Variants in ARSB observed in about 807,000 individuals in gnomAD.
ARSB encodes N-acetylgalactosamine-4-sulfatase.
Under a neutral mutation model 50.9 loss-of-function variants are expected in ARSB, and 41 were observed. The observed-to-expected ratio is 0.81, with a 90% CI of 0.63 to 1.04. The LOEUF (loss-of-function observed/expected upper bound fraction) is 1.04. ARSB is among the 50% of genes least tolerant of loss of function. The probability of loss-of-function intolerance (pLI) is 0.00; values close to 1 mark genes in which losing one functional copy is unlikely to be tolerated. For synonymous variants in ARSB, 269 were observed against 284.8 expected (o/e 0.94, Z 0.56); for missense variants, 672 against 693.3 (o/e 0.97, Z 0.35).
chr5:78,958,961 T>C (rs980966114), intron 3 of ARSB, among the ~76,000 whole-genome samples: 2 of 151,884 alleles, frequency 1.3e-5, no homozygotes, highest in Non-Finnish European at 2.9e-5. Context: ...CAGAAAGATG[T>C]TGAAATTCTT....
chr5:78,820,758 A>T (rs1466955916), intron 6 of ARSB, among the ~76,000 whole-genome samples: 1 of 152,102 alleles, frequency 6.6e-6, no homozygotes, highest in East Asian at 1.9e-4. Context: ...TACATCCCTG[A>T]CTTCTACCTA....
chr5:78,838,499 G>A (rs1745044410), intron 6 of ARSB, among the ~76,000 whole-genome samples: 1 of 152,212 alleles, frequency 6.6e-6, no homozygotes, highest in Non-Finnish European at 1.5e-5. Context: ...AGAATATTTT[G>A]TGGTGAGCTA....
chr5:78,842,668 C>A (rs1473547868), intron 5 of ARSB, among the ~76,000 whole-genome samples: 1 of 152,130 alleles, frequency 6.6e-6, no homozygotes, highest in African/African-American at 2.4e-5. Flanking sequence ...AAATTCTTGG[C>A]CACTTAAATT....
At chr5:78,950,647 T>C (rs1751456960) in intron 4 of ARSB, among the ~76,000 whole-genome samples, 1 of 152,128 alleles carries the variant, frequency 6.6e-6, no homozygotes, top group Non-Finnish European at 1.5e-5. Context: ...AAGAAGAAAC[T>C]GTAACTAGGT....
intron 5 of ARSB, among the ~76,000 whole-genome samples, chr5:78,851,315 G>C (rs1745765098): frequency 6.6e-6 from 1 of 152,096 alleles, no homozygotes; most frequent in Admixed American, 6.5e-5. Flanking sequence ...ATTTCGTTAA[G>C]TACCCAGTAG....
chr5:78,887,767 C>T (rs937138802), intron 4 of ARSB, among the ~76,000 whole-genome samples: 3 of 152,196 alleles, frequency 2.0e-5, no homozygotes, highest in Admixed American at 6.5e-5. Context: ...CCCCAGGCCT[C>T]TGCCCCTAGA....
intron 6 of ARSB, among the ~76,000 whole-genome samples, chr5:78,821,845 C>G (rs868531237): frequency 2.0e-5 from 3 of 152,164 alleles, no homozygotes; most frequent in Middle Eastern, 3.2e-3. Flanking sequence ...GGTGTGTGTA[C>G]AGCTTTCTCT....
In ARSB at chr5:78,885,651, T is replaced by C; in HGVS notation, c.1075A>G (p.Lys359Glu). The C allele has an allele frequency of 6.2e-7, 1 of 1,614,132 alleles. No homozygotes were observed. Among genetic ancestry groups the C allele is most frequent in the South Asian group, 1.1e-5 (1 of 91,082 alleles). The change falls in exon 5 of 8, where the codon AAG becomes GAG. Residue 359 changes from lysine to glutamate, a missense_variant. Transcript: ENST00000264914. ...CCATTGGTGTGTCCCCTGGCCAGCTTCACGAGTGTTGGCAGCCAGTCAGAG... is the reference window on the plus strand; with the variant it reads ...CCATTGGTGTGTCCCCTGGCCAGCTCCACGAGTGTTGGCAGCCAGTCAGAG... Reference protein sequence around the residue: ...HISDWLPTLVKLARGHTNGTK... With the variant: ...HISDWLPTLVELARGHTNGTK...
Position 78,867,667 on chromosome 5 carries a change from A to G in ARSB, c.1142+17917T>C, listed in dbSNP as rs550475508. ...GACACCGAAAACCCATCTGTACATC[A>G]CCATCATCAAAGACCAAAAGTAGAT... On this transcript the variant is annotated intron_variant, in intron 5 of 7. Transcript: ENST00000264914. Among the ~76,000 whole-genome samples, 194 of 152,314 alleles carry G rather than the reference A, an allele frequency of 1.3e-3. 2 individuals carry two copies. The highest frequency in any genetic ancestry group is 4.5e-3 in the African/African-American group (186 of 41,564).
rs372744486 is a variant in ARSB, at chr5:78,879,804, G to A, written c.1142+5780C>T. ...CGATTCCGAACTTGCCTAATGCTGT[G>A]AGAAGCACCAACTTCATTAGGCTCG... On this transcript the variant is annotated intron_variant, in intron 5 of 7. Coordinates refer to ENST00000264914, the MANE Select transcript of ARSB (RefSeq NM_000046.5). 1.2e-4 allele frequency among the ~76,000 whole-genome samples: 19 copies of A among 152,278 alleles called. No individual in the cohort carries two copies. In the East Asian group the frequency reaches 1.5e-3, roughly 12 times the overall value.
At chr5:78,940,785 A>G (rs1259387804) in intron 4 of ARSB, among the ~76,000 whole-genome samples, 6 of 152,150 alleles carry the variant, frequency 3.9e-5, no homozygotes, top group Non-Finnish European at 7.3e-5. Flanking sequence ...TTGGTTCCAT[A>G]TGAACTTTAA....
chr5:78,815,071 C>T (rs1321266298), intron 6 of ARSB, among the ~76,000 whole-genome samples: 2 of 150,816 alleles, frequency 1.3e-5, no homozygotes, highest in Non-Finnish European at 3.0e-5. Flanking sequence ...AAGTTAAAGG[C>T]GTTGGGATTA....
intron 4 of ARSB, among the ~76,000 whole-genome samples, chr5:78,898,195 G>A (rs1328158684): frequency 6.6e-6 from 1 of 152,170 alleles, no homozygotes; most frequent in Non-Finnish European, 1.5e-5. Context: ...TTGAACCCGG[G>A]AGGCAAAGGT....
At chr5:78,879,880 A>G (rs886666357) in intron 5 of ARSB, among the ~76,000 whole-genome samples, 6 of 152,204 alleles carry the variant, frequency 3.9e-5, no homozygotes, top group African/African-American at 1.4e-4. Context: ...GAACAGAATG[A>G]GAGCGGTTTT....
rs1561420002 is a variant in ARSB, at chr5:78,778,299, A to C, written c.*2098T>G. On this transcript the variant is annotated 3_prime_UTR_variant, in exon 8 of 8. Transcript: ENST00000264914. Reference sequence around the variant, plus strand: ...CAGGAGTTGGGTAAAGGTTGGTAAGAGATGTTATTAGTTTTAGCACCATTT... The same window carrying C: ...CAGGAGTTGGGTAAAGGTTGGTAAGCGATGTTATTAGTTTTAGCACCATTT... 1 of 152,198 alleles carries C rather than the reference A, an allele frequency of 6.6e-6. No homozygotes were observed. The highest frequency in any genetic ancestry group is 2.4e-5 in the African/African-American group (1 of 41,438). 9.4% of individuals were successfully genotyped at this position (152,198 alleles called of 1,614,324 possible).
chr5:78,912,302 G>A (rs761282028), intron 4 of ARSB, among the ~76,000 whole-genome samples: 9 of 152,200 alleles, frequency 5.9e-5, no homozygotes, highest in Non-Finnish European at 8.8e-5. Context: ...CCAGCAAGCT[G>A]TTTCTCATAC....
chr5:78,985,850 A>G (rs143755020), upstream of ARSB: 21 of 152,314 alleles, frequency 1.4e-4, no homozygotes, highest in African/African-American at 4.8e-4. Flanking sequence ...CGTAGTGTAC[A>G]CCCATGAAGC....
At chr5:78,968,584 C>T (rs979379523) in intron 2 of ARSB, among the ~76,000 whole-genome samples, 11 of 152,128 alleles carry the variant, frequency 7.2e-5, no homozygotes, top group African/African-American at 2.4e-4. Context: ...CTCCTGACCT[C>T]GTGATCCGCC....
chr5:78,933,555 T>G (rs899425585), intron 4 of ARSB, among the ~76,000 whole-genome samples: 2 of 152,090 alleles, frequency 1.3e-5, no homozygotes, highest in African/African-American at 4.8e-5. Flanking sequence ...CAGAGAAGTC[T>G]GCTGAGCTGC....
Sources: allele counts gnomAD v4.1 joint callset (sites outside exome capture counted in the v4.1 genomes callset), GRCh38; gene constraint gnomAD v4.1.1; transcripts MANE v1.5; gene names NCBI Gene and HGNC (gene_info 2026-07-23, HGNC 2026-07-21).